AKR1B15: variants seen among roughly 807,000 people sequenced by gnomAD.
AKR1B15 encodes the protein estradiol 17-beta-dehydrogenase AKR1B15.
In AKR1B15, 49 loss-of-function variants were observed where a neutral mutation model predicts 38.5. That is an observed-to-expected ratio of 1.27 (90% CI 1.01 to 1.62). AKR1B15 has a LOEUF of 1.62. Ranked by LOEUF, AKR1B15 falls within the 40% of genes most tolerant of loss-of-function variation. AKR1B15 has a pLI of 0.00. For missense variants in AKR1B15, 411 were observed against 381.6 expected (o/e 1.08, Z -0.64); for synonymous variants, 137 against 135.5 (o/e 1.01, Z -0.08).
intron 2 of AKR1B15, among the ~76,000 whole-genome samples, chr7:134,562,841 TCTTTCTTTC>T (rs1794439826): frequency 4.1e-5 from 2 of 49,014 alleles, no homozygotes; most frequent in African/African-American, 2.0e-4. Context: ...TCTCTTTCTT[TCTTTCTTTC>T]TTTCTTTCTT....
rs1226280946 is a variant in AKR1B15, at chr7:134,571,622, C to T, written c.454C>T (p.Pro152Ser). The T allele has an allele frequency of 6.2e-7, 1 of 1,613,142 alleles. No individual in the cohort carries two copies. Among genetic ancestry groups the T allele is most frequent in the Non-Finnish European group, 8.5e-7 (1 of 1,179,602 alleles). ...TTTACAGACTGGGGATGACTTTTTC[C>T]CCAAAGATGATAAAGGTAATATGAT... ...QGFKTGDDFF[P>S]KDDKGNMISG... The change falls in exon 6 of 12, where the codon CCC (proline) becomes TCC (serine). Residue 152 changes from proline to serine, a missense_variant. Pro to Ser is a moderately conservative substitution (Grantham distance 74, BLOSUM62 -1). Transcript: ENST00000457545.
chr7:134,575,407 C>T lies in AKR1B15; in HGVS notation c.514-13C>T. 2 of 1,613,482 alleles carry T rather than the reference C, an allele frequency of 1.2e-6. No homozygotes were observed. Among genetic ancestry groups the T allele is most frequent in the South Asian group, 1.1e-5 (1 of 91,004 alleles). On this transcript the variant is annotated splice_polypyrimidine_tract_variant and intron_variant, in intron 6 of 11. Transcript: ENST00000457545. ...CTCTAGAGCTGCCCATAAGGTATTC[C>T]TTTCTATGATAGGCCATGGAGGAGC...
intron 2 of AKR1B15, among the ~76,000 whole-genome samples, chr7:134,560,033 G>A (rs201671459): frequency 1.8e-4 from 27 of 152,060 alleles, no homozygotes; most frequent in African/African-American, 5.3e-4. Context: ...GCTTGAACCC[G>A]GGAGGCAGAG....
intron 3 of AKR1B15, 56 bp from the exon 4 acceptor site, chr7:134,568,102 G>T: frequency 1.9e-6 from 3 of 1,598,886 alleles, no homozygotes; most frequent in African/African-American, 2.7e-5. Context: ...ACATGGCAAG[G>T]TCTCATCTCT....
chr7:134,560,109 GA>G (rs145835206), intron 2 of AKR1B15, among the ~76,000 whole-genome samples: 62,357 of 146,878 alleles, frequency 0.42, 13,244 homozygotes, highest in Non-Finnish European at 0.45. Context: ...CTCCACCTAA[GA>G]AAAAAAAAAA....
chr7:134,578,851 A>G (rs1326201004), intron 11 of AKR1B15, among the ~76,000 whole-genome samples: 1 of 152,202 alleles, frequency 6.6e-6, no homozygotes, highest in East Asian at 1.9e-4. Flanking sequence ...TATTTAGAGT[A>G]AAAAGGAAGG....
rs183201448 is a variant in AKR1B15, at chr7:134,549,625, G to C, written c.-147+376G>C. Among the ~76,000 whole-genome samples, 7 of 152,234 alleles carry C rather than the reference G, an allele frequency of 4.6e-5. No individual in the cohort carries two copies. In the East Asian group the frequency reaches 1.4e-3, roughly 29 times the overall value. ...AAGGCTTAGGGCGGCATCAGGCATAGCTCGATCCAAGCCAGGGGTTTATAC... is the reference window on the plus strand; with the variant it reads ...AAGGCTTAGGGCGGCATCAGGCATACCTCGATCCAAGCCAGGGGTTTATAC... On this transcript the variant is annotated intron_variant, in intron 1 of 11. Coordinates refer to ENST00000457545, the MANE Select transcript of AKR1B15 (RefSeq NM_001080538.3).
intron 6 of AKR1B15, among the ~76,000 whole-genome samples, chr7:134,574,323 G>C (rs1344297915): frequency 6.6e-6 from 1 of 152,086 alleles, no homozygotes; most frequent in Non-Finnish European, 1.5e-5. Flanking sequence ...GCCTTCCTGT[G>C]TCATATGCTC....
intron 11 of AKR1B15, among the ~76,000 whole-genome samples, 186 bp downstream of exon 11, chr7:134,577,972 T>C (rs373181259): frequency 2.0e-5 from 3 of 152,218 alleles, no homozygotes; most frequent in Admixed American, 6.5e-5. Context: ...AATTGCTGCT[T>C]ATTGTCTGAA....
At chr7:134,556,083 A>G (rs1794185335) in intron 1 of AKR1B15, among the ~76,000 whole-genome samples, 2 of 152,228 alleles carry the variant, frequency 1.3e-5, no homozygotes, top group South Asian at 4.1e-4. Context: ...TTTATATTTC[A>G]GGATTTGATG....
intron 3 of AKR1B15, among the ~76,000 whole-genome samples, chr7:134,566,674 C>T (rs1279097902): frequency 6.6e-6 from 1 of 152,108 alleles, no homozygotes; most frequent in South Asian, 2.1e-4. Context: ...GGCTAATTTC[C>T]CTGCTCAGAC....
intron 3 of AKR1B15, chr7:134,565,619 C>T (rs1794515441): frequency 1.9e-6 from 3 of 1,588,976 alleles, no homozygotes; most frequent in Non-Finnish European, 2.6e-6. Flanking sequence ...CTACATTCAG[C>T]CAGAAAAGCC....
At chr7:134,567,128 C>T (rs1299427184) in intron 3 of AKR1B15, among the ~76,000 whole-genome samples, 2 of 152,082 alleles carry the variant, frequency 1.3e-5, no homozygotes, top group African/African-American at 4.8e-5. Context: ...GGTGGCAGCC[C>T]GTTTCTTGCC....
chr7:134,574,329 T>C (rs1283679589), intron 6 of AKR1B15, among the ~76,000 whole-genome samples: 2 of 152,190 alleles, frequency 1.3e-5, no homozygotes, highest in African/African-American at 2.4e-5. Flanking sequence ...CTGTGTCATA[T>C]GCTCATGTTT....
At chr7:134,561,782 A>G (rs556091323) in intron 2 of AKR1B15, among the ~76,000 whole-genome samples, 3 of 152,220 alleles carry the variant, frequency 2.0e-5, no homozygotes, top group South Asian at 2.1e-4. Flanking sequence ...GCACAGGCCT[A>G]TATCATGTTC....
chr7:134,563,997 C>T (rs1204872677), intron 2 of AKR1B15, among the ~76,000 whole-genome samples: 1 of 152,132 alleles, frequency 6.6e-6, no homozygotes, highest in African/African-American at 2.4e-5. Flanking sequence ...CCTATATCTG[C>T]CTCCCGACCA....
intron 1 of AKR1B15, among the ~76,000 whole-genome samples, chr7:134,555,499 A>T (rs973864370): frequency 6.6e-6 from 1 of 152,136 alleles, no homozygotes. Flanking sequence ...GAGTAAAGCT[A>T]TCGAATTAAT....
intron 1 of AKR1B15, among the ~76,000 whole-genome samples, chr7:134,552,487 T>C (rs73724974): frequency 0.019 from 2,959 of 152,248 alleles, 100 homozygotes; most frequent in African/African-American, 0.066. Context: ...CTGTGGGCTA[T>C]AGAGGGAATT....
chr7:134,559,357 G>C (rs1053325899), intron 2 of AKR1B15, among the ~76,000 whole-genome samples: 1 of 152,142 alleles, frequency 6.6e-6, no homozygotes, highest in Non-Finnish European at 1.5e-5. Context: ...TAAGTACAAA[G>C]GGTGGAGAGC....
Sources: gnomAD v4.1 joint callset for allele counts (sites outside exome capture counted in the v4.1 genomes callset) on GRCh38, gnomAD v4.1.1 for gene constraint, MANE v1.5 for transcripts, NCBI Gene and HGNC (gene_info 2026-07-23, HGNC 2026-07-21) for gene names.